MAP7: variants seen among roughly 807,000 people sequenced by gnomAD.
The protein encoded by MAP7 is microtubule associated protein 7.
In MAP7, 52 loss-of-function variants were observed where a neutral mutation model predicts 94.8. The observed-to-expected ratio is 0.55, with a 90% confidence interval of 0.44 to 0.69. MAP7 has a LOEUF of 0.69. Among genes scored for constraint, MAP7 ranks in the 30% least tolerant of loss-of-function variants. The pLI, the probability that MAP7 is intolerant of heterozygous loss-of-function variation, is 0.00. For missense variants in MAP7, 940 were observed against 964.6 expected (o/e 0.97, Z 0.34); for synonymous variants, 350 against 357.0 (o/e 0.98, Z 0.22).
chr6:136,353,718 T>A (rs531150739), intron 16 of MAP7, among the ~76,000 whole-genome samples: 1 of 152,230 alleles, frequency 6.6e-6, no homozygotes, highest in East Asian at 1.9e-4. Context: ...CATGCCTGGC[T>A]AATTTTTGTA....
At chr6:136,473,171 T>A (rs1809622595) in intron 1 of MAP7, among the ~76,000 whole-genome samples, 1 of 152,124 alleles carries the variant, frequency 6.6e-6, no homozygotes, top group Non-Finnish European at 1.5e-5. Flanking sequence ...CTAAAGTACA[T>A]CTCAATTCTC....
At chr6:136,468,161 C>T (rs1341428103) in intron 1 of MAP7, among the ~76,000 whole-genome samples, 1 of 152,130 alleles carries the variant, frequency 6.6e-6, no homozygotes, top group African/African-American at 2.4e-5. Flanking sequence ...CAACACCTTG[C>T]GTGCATGGCT....
chr6:136,361,087 C>G lies in MAP7; in HGVS notation c.1619G>C (p.Arg540Pro). 3 of 1,603,924 alleles carry G rather than the reference C, an allele frequency of 1.9e-6. No homozygotes were observed. The highest frequency in any genetic ancestry group is 1.6e-4 in the Middle Eastern group (1 of 6,062). Residue 540 changes from arginine to proline, a missense_variant, in exon 12 of 18, where the codon CGG (arginine) becomes CCG (proline). Arg to Pro is a moderately radical substitution (Grantham distance 103). Coordinates refer to ENST00000354570, the MANE Select transcript of MAP7 (RefSeq NM_003980.6). ...CCGCTGCAGCTGCTCCTCCTTCTCC[C>G]GGGCCTGCTCGGCTTCCAGCCTGCG... is the stretch of plus-strand genomic sequence containing the variant. ...ESRRLEAEQA[R>P]EKEEQLQRQA... is the part of the protein sequence containing the mutation.
intron 1 of MAP7, among the ~76,000 whole-genome samples, chr6:136,486,716 T>C (rs1457315747): frequency 1.3e-5 from 2 of 152,186 alleles, no homozygotes; most frequent in Admixed American, 1.3e-4. Flanking sequence ...AATTTACAGT[T>C]TACAGGTCAC....
At chr6:136,422,919 GAC>G (rs1227812525) in intron 1 of MAP7, among the ~76,000 whole-genome samples, 2 of 152,196 alleles carry the variant, frequency 1.3e-5, no homozygotes, top group Non-Finnish European at 2.9e-5. Flanking sequence ...AACAGCAAAA[GAC>G]ACAGACAGAC....
At chr6:136,488,468 C>T (rs1367631050) in intron 1 of MAP7, among the ~76,000 whole-genome samples, 5 of 133,552 alleles carry the variant, frequency 3.7e-5, no homozygotes, top group South Asian at 2.3e-4. Context: ...TTTTTTGAGA[C>T]GGAGTCTTGC....
At chr6:136,411,777 A>C in intron 2 of MAP7, 80 bp from the exon 3 acceptor site, 5 of 1,123,762 alleles carry the variant, frequency 4.4e-6, no homozygotes, top group Non-Finnish European at 6.4e-6. Context: ...ACATTGATAA[A>C]TATCCAGTAA....
At chr6:136,516,609 A>G (rs1207588963) in intron 1 of MAP7, among the ~76,000 whole-genome samples, 3 of 152,204 alleles carry the variant, frequency 2.0e-5, no homozygotes, top group Non-Finnish European at 4.4e-5. Context: ...CCGCTGGCAT[A>G]TATATGTTCA....
chr6:136,532,241 G>A (rs998410756), intron 1 of MAP7, among the ~76,000 whole-genome samples: 7 of 152,160 alleles, frequency 4.6e-5, no homozygotes, highest in Non-Finnish European at 1.0e-4. Flanking sequence ...CCTAATAGGA[G>A]GACAAGCGTT....
intron 1 of MAP7, among the ~76,000 whole-genome samples, chr6:136,500,668 G>C (rs191351736): frequency 6.6e-6 from 1 of 152,322 alleles, no homozygotes; most frequent in Admixed American, 6.5e-5. Flanking sequence ...ATCCCAAAGG[G>C]ATTTGAATGG....
chr6:136,350,698 A>G (rs1023528255), intron 16 of MAP7, among the ~76,000 whole-genome samples: 2 of 152,122 alleles, frequency 1.3e-5, no homozygotes, highest in Non-Finnish European at 2.9e-5. Flanking sequence ...ATAAAAATAT[A>G]TATGTTTTAA....
intron 1 of MAP7, among the ~76,000 whole-genome samples, chr6:136,429,103 T>C (rs144011217): frequency 1.8e-3 from 277 of 152,330 alleles, no homozygotes; most frequent in Middle Eastern, 3.4e-3. Context: ...ATTTGTTCAG[T>C]GTCACATATG....
At chr6:136,486,691 T>A (rs1421659179) in intron 1 of MAP7, among the ~76,000 whole-genome samples, 1 of 152,178 alleles carries the variant, frequency 6.6e-6, no homozygotes, top group Non-Finnish European at 1.5e-5. Context: ...ACCTTAGGGT[T>A]CATTGGGTCT....
intron 1 of MAP7, among the ~76,000 whole-genome samples, chr6:136,501,594 A>C (rs1819842481): frequency 6.6e-6 from 1 of 152,138 alleles, no homozygotes; most frequent in African/African-American, 2.4e-5. Context: ...CTGTCTCATT[A>C]ATCTTATTTA....
At chr6:136,525,465 C>T (rs1179418628) in intron 1 of MAP7, among the ~76,000 whole-genome samples, 1 of 152,152 alleles carries the variant, frequency 6.6e-6, no homozygotes, top group Non-Finnish European at 1.5e-5. Flanking sequence ...ATCTGAGGCA[C>T]CTAAGGAAGG....
intron 3 of MAP7, among the ~76,000 whole-genome samples, chr6:136,398,012 G>A (rs970967733): frequency 1.3e-5 from 2 of 152,116 alleles, no homozygotes; most frequent in African/African-American, 4.8e-5. Flanking sequence ...GGACACTAAC[G>A]AGTCAGTCCC....
intron 1 of MAP7, among the ~76,000 whole-genome samples, chr6:136,549,760 G>A (rs893953576): frequency 2.0e-5 from 3 of 152,176 alleles, no homozygotes; most frequent in African/African-American, 7.2e-5. Context: ...ACTGGGCCCC[G>A]GCCCTCCCGA....
At chr6:136,393,270 T>G (rs1463330189) in intron 3 of MAP7, among the ~76,000 whole-genome samples, 3 of 152,190 alleles carry the variant, frequency 2.0e-5, no homozygotes, top group Non-Finnish European at 4.4e-5. Context: ...CCTTTGTTAT[T>G]GTCCTGTTGG....
At chr6:136,447,825 ACT>A (rs1025988558) in intron 1 of MAP7, among the ~76,000 whole-genome samples, 2 of 152,170 alleles carry the variant, frequency 1.3e-5, no homozygotes, top group African/African-American at 2.4e-5. Flanking sequence ...ATATTAAAAT[ACT>A]CTCTTTTCCC....
Sources: allele counts gnomAD v4.1 joint callset (sites outside exome capture counted in the v4.1 genomes callset), GRCh38; gene constraint gnomAD v4.1.1; transcripts MANE v1.5; gene names NCBI Gene and HGNC (gene_info 2026-07-23, HGNC 2026-07-21).